The following SIK3 variants were observed in gnomAD, a reference collection of about 807,000 sequenced individuals.
SIK3 encodes the protein SIK family kinase 3.
In SIK3, 28 loss-of-function variants were observed where a neutral mutation model predicts 144.2. The ratio of observed to expected loss-of-function variants is 0.19; its 90% confidence interval spans 0.14 to 0.27. The LOEUF (loss-of-function observed/expected upper bound fraction) is 0.27. Ranked by LOEUF, SIK3 falls within the 10% of genes least tolerant of loss-of-function variation. The pLI, the probability that SIK3 is intolerant of heterozygous loss-of-function variation, is 1.00. For missense variants in SIK3, 1,319 were observed against 1,776.0 expected, an observed-to-expected ratio of 0.74 and a Z score of 4.62; for synonymous variants, 686 against 676.3, an observed-to-expected ratio of 1.01 and a Z score of -0.22.
At chr11:117,025,942 T>A (rs2135770439) in intron 1 of SIK3, among the ~76,000 whole-genome samples, 1 of 152,208 alleles carries the variant, frequency 6.6e-6, no homozygotes, top group Admixed American at 6.5e-5. Flanking sequence ...GTTATCAAAT[T>A]CTCAAATTTG....
rs1949942518 is a variant in SIK3 at position 116,976,233 on chromosome 11, C to T, written c.274-19169G>A. Among the ~76,000 whole-genome samples, 3 of 152,108 alleles carry T rather than the reference C, an allele frequency of 2.0e-5. No homozygotes were observed. In the South Asian group the frequency reaches 6.2e-4, roughly 31 times the overall value. On this transcript the variant is annotated intron_variant, in intron 1 of 24. Coordinates refer to ENST00000445177, the MANE Select transcript of SIK3 (RefSeq NM_001366686.3). ...TGATGTAGTCCATTTATCTATTTTTCCCTTTGTCCCTTCTGCTTTTGGTAG... is the reference window on the plus strand; with the variant it reads ...TGATGTAGTCCATTTATCTATTTTTTCCTTTGTCCCTTCTGCTTTTGGTAG...
intron 1 of SIK3, among the ~76,000 whole-genome samples, chr11:117,012,602 T>G (rs935773247): frequency 6.6e-6 from 1 of 152,158 alleles, no homozygotes; most frequent in Non-Finnish European, 1.5e-5. Flanking sequence ...CACAATTCCC[T>G]CTTTCCCATT....
intron 3 of SIK3, among the ~76,000 whole-genome samples, chr11:116,949,451 A>G (rs190867972): frequency 8.5e-5 from 13 of 152,352 alleles, no homozygotes; most frequent in East Asian, 3.9e-4. Flanking sequence ...TTGGTCTACA[A>G]ACAATACAAT....
In SIK3 at chr11:116,935,464, T is replaced by C. The variant is rs1029424368; in HGVS notation, c.455-8084A>G. Reference sequence around the variant, plus strand: ...CATAAAAAACATGCCATCCTTTTCATATCAAGTCCATTCACAGTAATGTAT... The same window carrying C: ...CATAAAAAACATGCCATCCTTTTCACATCAAGTCCATTCACAGTAATGTAT... On this transcript the variant is annotated intron_variant, in intron 3 of 24. Coordinates refer to ENST00000445177, the MANE Select transcript of SIK3 (RefSeq NM_001366686.3). 2.0e-5 allele frequency among the ~76,000 whole-genome samples: 3 copies of C among 152,206 alleles called. No homozygotes were observed. In the South Asian group the frequency reaches 6.2e-4, roughly 31 times the overall value.
chr11:116,928,835 T>C (rs1262135945), intron 3 of SIK3, among the ~76,000 whole-genome samples: 2 of 152,240 alleles, frequency 1.3e-5, no homozygotes, highest in South Asian at 4.1e-4. Flanking sequence ...AAAGGAATTA[T>C]TGTAATTTTT....
chr11:116,964,352 C>G (rs534967259), intron 1 of SIK3, among the ~76,000 whole-genome samples: 15 of 152,024 alleles, frequency 9.9e-5, no homozygotes, highest in Admixed American at 1.3e-4. Context: ...TTAGTCAAAT[C>G]AAGTACTAAG....
At chr11:117,093,818 A>G (rs1159267185) in intron 1 of SIK3, among the ~76,000 whole-genome samples, 1 of 152,162 alleles carries the variant, frequency 6.6e-6, no homozygotes, top group African/African-American at 2.4e-5. Flanking sequence ...TTTTACCAGG[A>G]AAGTCTATCG....
Position 116,849,343 on chromosome 11 carries a change from C to T in SIK3, c.3656-60G>A, listed in dbSNP as rs1457398002. 2 of 1,597,222 alleles carry T rather than the reference C, an allele frequency of 1.3e-6. No homozygotes were observed. Among genetic ancestry groups the T allele is most frequent in the African/African-American group, 2.7e-5 (2 of 74,514 alleles). ...GGAACTTCTCCCAGCACTGGAAACT[C>T]CCATCCAAGAAATGTCTTGCAAGGG... On this transcript the variant is annotated intron_variant, in intron 21 of 24. Transcript: ENST00000445177. The surrounding 1 kb of genome is among the most constrained non-coding windows in gnomAD (Gnocchi z 4.2).
intron 4 of SIK3, chr11:116,904,605 T>C (rs1945925584): frequency 1.3e-5 from 2 of 152,180 alleles, no homozygotes; most frequent in Non-Finnish European, 2.9e-5. Context: ...TTTATTTCAA[T>C]TGTTTTTTCC....
chr11:116,938,920 T>C (rs2135253338), intron 3 of SIK3, among the ~76,000 whole-genome samples: 1 of 152,274 alleles, frequency 6.6e-6, no homozygotes, highest in East Asian at 1.9e-4. Flanking sequence ...TGCATAATTA[T>C]GTTACAAAAT....
intron 1 of SIK3, among the ~76,000 whole-genome samples, chr11:116,972,370 A>C (rs993844483): frequency 6.6e-6 from 1 of 152,300 alleles, no homozygotes; most frequent in African/African-American, 2.4e-5. Flanking sequence ...TAATTGACTA[A>C]TAAAAGAATG....
intron 1 of SIK3, among the ~76,000 whole-genome samples, chr11:117,061,220 G>A (rs1251634754): frequency 1.3e-5 from 2 of 151,970 alleles, no homozygotes; most frequent in African/African-American, 4.8e-5. Flanking sequence ...GCACTCCTGG[G>A]CAACAGAGCA....
At chr11:116,986,427 T>C (rs983494117) in intron 1 of SIK3, among the ~76,000 whole-genome samples, 2 of 152,238 alleles carry the variant, frequency 1.3e-5, no homozygotes, top group Non-Finnish European at 2.9e-5. Context: ...ATTATTCTAC[T>C]TTCCCTGATG....
At chr11:116,992,379 T>C (rs1042835166) in intron 1 of SIK3, among the ~76,000 whole-genome samples, 5 of 149,904 alleles carry the variant, frequency 3.3e-5, no homozygotes, top group Non-Finnish European at 5.9e-5. Context: ...GGCATTTATA[T>C]AGCAATTCTT....
Position 116,887,483 on chromosome 11 carries a change from G to A in SIK3, c.865+8770C>T, listed in dbSNP as rs191702320. ...AATACAAAAATTAGCTGGGTGTGGT[G>A]GCACGCACCTGTAGTCCCAGCCACC... On this transcript the variant is annotated intron_variant, in intron 6 of 24. Coordinates refer to ENST00000445177, the MANE Select transcript of SIK3 (RefSeq NM_001366686.3). 5.9e-5 allele frequency among the ~76,000 whole-genome samples: 9 copies of A among 152,010 alleles called. No homozygotes were observed. In the East Asian group the frequency reaches 1.7e-3, roughly 29 times the overall value.
At chr11:116,961,180 A>T (rs1412678269) in intron 1 of SIK3, among the ~76,000 whole-genome samples, 1 of 152,252 alleles carries the variant, frequency 6.6e-6, no homozygotes, top group African/African-American at 2.4e-5. Context: ...ACAGCAGGCC[A>T]GGCTCCCCTT....
chr11:117,040,941 C>T (rs1274878792), intron 1 of SIK3, among the ~76,000 whole-genome samples: 2 of 143,038 alleles, frequency 1.4e-5, no homozygotes, highest in East Asian at 2.0e-4. Context: ...TCACAGTTAC[C>T]TGCCTCCTTT....
chr11:117,074,860 G>A (rs1954438881), intron 1 of SIK3, among the ~76,000 whole-genome samples: 1 of 151,496 alleles, frequency 6.6e-6, no homozygotes, highest in African/African-American at 2.4e-5. Flanking sequence ...CAGGGAGGTG[G>A]AGGTTGCAGT....
chr11:116,915,279 T>C (rs1405446182), intron 4 of SIK3, among the ~76,000 whole-genome samples: 1 of 152,004 alleles, frequency 6.6e-6, no homozygotes, highest in African/African-American at 2.4e-5. Context: ...CCCAAAGTGC[T>C]GGGATTACAA....
Sources: gnomAD v4.1 joint callset for allele counts (sites outside exome capture counted in the v4.1 genomes callset) on GRCh38, gnomAD v4.1.1 for gene constraint, Gnocchi (gnomAD v3.1) non-coding constraint, MANE v1.5 for transcripts, NCBI Gene and HGNC (gene_info 2026-07-23, HGNC 2026-07-21) for gene names.